Variants in PTGER3 observed in about 807,000 individuals in gnomAD.
PTGER3 encodes prostaglandin E receptor 3.
A neutral mutation model predicts 34.7 loss-of-function variants in PTGER3; 22 were observed. The observed-to-expected ratio is 0.63, with a 90% confidence interval of 0.45 to 0.91. PTGER3 has a LOEUF of 0.91. PTGER3 is among the 40% of genes least tolerant of loss of function. PTGER3 has a pLI of 0.00. For missense variants in PTGER3, 468 were observed against 519.4 expected, an observed-to-expected ratio of 0.90 and a Z score of 0.96; for synonymous variants, 241 against 230.1, an observed-to-expected ratio of 1.05 and a Z score of -0.43.
chr1:71,036,955 CA>C (rs1659888342), intron 1 of PTGER3, among the ~76,000 whole-genome samples: 1 of 151,600 alleles, frequency 6.6e-6, no homozygotes. Flanking sequence ...CTGAGGTCAG[CA>C]GCCCTTTGAG....
chr1:70,948,688 C>G (rs1393272287), downstream of PTGER3, among the ~76,000 whole-genome samples: 1 of 152,020 alleles, frequency 6.6e-6, no homozygotes, highest in Non-Finnish European at 1.5e-5. Context: ...GTTACTTGTA[C>G]AAGATTTTTT....
intron 4 of PTGER3, among the ~76,000 whole-genome samples, chr1:70,915,904 TAA>T (rs1485599395): frequency 6.6e-6 from 1 of 151,934 alleles, no homozygotes; most frequent in African/African-American, 2.4e-5. Context: ...CTAATTAAAC[TAA>T]AGTTTCTATG....
At chr1:70,939,531 G>A (rs1293234010) in intron 4 of PTGER3, among the ~76,000 whole-genome samples, 2 of 152,236 alleles carry the variant, frequency 1.3e-5, no homozygotes, top group African/African-American at 4.8e-5. Flanking sequence ...CTCCGCCCCT[G>A]CAGCAAACTT....
downstream of PTGER3, chr1:70,947,524 C>A (rs1650330151): frequency 6.6e-6 from 1 of 152,122 alleles, no homozygotes; most frequent in Non-Finnish European, 1.5e-5. Flanking sequence ...TTGGGTATGT[C>A]TTTTTCAGCA....
intron 4 of PTGER3, among the ~76,000 whole-genome samples, chr1:70,876,353 T>C (rs1646273267): frequency 6.6e-6 from 1 of 151,390 alleles, no homozygotes; most frequent in Admixed American, 6.6e-5. Flanking sequence ...TTGTTAGATG[T>C]GTAGTTTGCA....
chr1:71,019,958 T>C (rs1157643904), intron 1 of PTGER3, among the ~76,000 whole-genome samples: 1 of 152,174 alleles, frequency 6.6e-6, no homozygotes, highest in African/African-American at 2.4e-5. Context: ...TTTCCGTAAT[T>C]CTCTGTTGTT....
intron 4 of PTGER3, among the ~76,000 whole-genome samples, chr1:70,874,857 T>C (rs572264501): frequency 6.6e-6 from 1 of 152,170 alleles, no homozygotes; most frequent in African/African-American, 2.4e-5. Context: ...TTTCAGTCCC[T>C]AAATATAGGA....
At chr1:70,859,139 G>A (rs1454492357) in intron 4 of PTGER3, among the ~76,000 whole-genome samples, 2 of 152,134 alleles carry the variant, frequency 1.3e-5, no homozygotes, top group Admixed American at 6.5e-5. Flanking sequence ...CACTTTCTCT[G>A]CAGTGCCCAC....
At chr1:70,909,954 C>T (rs1477977929) in intron 4 of PTGER3, among the ~76,000 whole-genome samples, 2 of 152,140 alleles carry the variant, frequency 1.3e-5, no homozygotes, top group Non-Finnish European at 2.9e-5. Context: ...ATCTGTAAAA[C>T]ACATAAGAAT....
chr1:70,924,860 C>G (rs1371288056), intron 4 of PTGER3, among the ~76,000 whole-genome samples: 2 of 152,056 alleles, frequency 1.3e-5, no homozygotes, highest in East Asian at 1.9e-4. Flanking sequence ...ATCCAAGAAC[C>G]CTCTCTTGGG....
downstream of PTGER3, among the ~76,000 whole-genome samples, chr1:70,969,129 C>CT (rs1385055834): frequency 6.6e-6 from 1 of 152,078 alleles, no homozygotes; most frequent in Non-Finnish European, 1.5e-5. Context: ...ATTGCTTGAA[C>CT]TGGGGAGGCC....
rs79066152 is a variant in PTGER3, at chr1:70,995,923, C to T, written c.1077+16382G>A. Among the ~76,000 whole-genome samples the T allele has an allele frequency of 3.1e-3, 468 of 152,214 alleles. 6 individuals are homozygous for T. Among genetic ancestry groups the T allele is most frequent in the African/African-American group, 0.011 (448 of 41,516 alleles). ...TTTATATATACGTATTATCTCATTTCCTTGCTATCTTGTGAAATAGGTGTT... is the reference window on the plus strand; with the variant it reads ...TTTATATATACGTATTATCTCATTTTCTTGCTATCTTGTGAAATAGGTGTT... On this transcript the variant is annotated intron_variant, in intron 2 of 3. Transcript: ENST00000306666.
At chr1:70,912,579 T>C (rs1043905559) in intron 4 of PTGER3, among the ~76,000 whole-genome samples, 1 of 152,186 alleles carries the variant, frequency 6.6e-6, no homozygotes, top group African/African-American at 2.4e-5. Context: ...ATGTACAGAA[T>C]TTCAGAGCTG....
At chr1:71,002,812 C>A (rs974869086) in intron 2 of PTGER3, among the ~76,000 whole-genome samples, 1 of 152,180 alleles carries the variant, frequency 6.6e-6, no homozygotes, top group African/African-American at 2.4e-5. Context: ...TTGAAACTAA[C>A]AAAGGACAAT....
At chr1:70,878,071 G>A (rs1646310364) in intron 4 of PTGER3, among the ~76,000 whole-genome samples, 1 of 152,042 alleles carries the variant, frequency 6.6e-6, no homozygotes, top group Non-Finnish European at 1.5e-5. Flanking sequence ...TGTAAGTCTG[G>A]TAGAATTCGG....
chr1:70,864,869 A>G (rs145351400), intron 4 of PTGER3, among the ~76,000 whole-genome samples: 3 of 152,290 alleles, frequency 2.0e-5, no homozygotes, highest in South Asian at 2.1e-4. Flanking sequence ...CAGAGCTGGG[A>G]TTTGGTTGCT....
chr1:70,924,319 T>C (rs1399337024), intron 4 of PTGER3, among the ~76,000 whole-genome samples: 1 of 152,188 alleles, frequency 6.6e-6, no homozygotes, highest in Non-Finnish European at 1.5e-5. Flanking sequence ...CCATGATTTG[T>C]CTTTAGTAAA....
At chr1:70,956,560 A>G (rs1413305807) in intron 2 of PTGER3, among the ~76,000 whole-genome samples, 2 of 152,278 alleles carry the variant, frequency 1.3e-5, no homozygotes, top group Non-Finnish European at 2.9e-5. Flanking sequence ...TAACAATACA[A>G]GCATTAGAAA....
intron 4 of PTGER3, among the ~76,000 whole-genome samples, chr1:70,915,945 C>T (rs995080994): frequency 6.6e-6 from 1 of 151,796 alleles, no homozygotes; most frequent in Non-Finnish European, 1.5e-5. Context: ...ACTGAGTAAA[C>T]AGACAACTAG....
Sources: allele counts gnomAD v4.1 joint callset (sites outside exome capture counted in the v4.1 genomes callset), GRCh38; gene constraint gnomAD v4.1.1; transcripts MANE v1.5; gene names NCBI Gene and HGNC (gene_info 2026-07-23, HGNC 2026-07-21).